The following NCOA1 variants were observed in gnomAD, a reference collection of about 807,000 sequenced individuals.
The protein encoded by NCOA1 is nuclear receptor coactivator 1.
A neutral mutation model predicts 150.9 loss-of-function variants in NCOA1; 35 were observed. The observed-to-expected ratio is 0.23, with a 90% CI of 0.18 to 0.31. The LOEUF (loss-of-function observed/expected upper bound fraction) is 0.31. Ranked by LOEUF, NCOA1 falls within the 10% of genes least tolerant of loss-of-function variation. NCOA1 has a pLI of 1.00. For missense variants in NCOA1, 1,491 were observed against 1,749.3 expected, an observed-to-expected ratio of 0.85 and a Z score of 2.63; for synonymous variants, 590 against 630.0, an observed-to-expected ratio of 0.94 and a Z score of 0.95.
chr2:24,683,967 C>T (rs928032661), intron 8 of NCOA1, among the ~76,000 whole-genome samples: 7 of 152,002 alleles, frequency 4.6e-5, no homozygotes, highest in African/African-American at 1.7e-4. Context: ...GAAATAAAAG[C>T]GATTTAAAAT....
chr2:24,494,777 C>T (rs1306700138), intron 1 of NCOA1, among the ~76,000 whole-genome samples: 2 of 152,056 alleles, frequency 1.3e-5, no homozygotes, highest in Non-Finnish European at 2.9e-5. Context: ...GCTGCAGAAC[C>T]GTATAAATTT....
chr2:24,664,162 A>C (rs1202433433), intron 5 of NCOA1, among the ~76,000 whole-genome samples: 1 of 152,210 alleles, frequency 6.6e-6, no homozygotes, highest in Non-Finnish European at 1.5e-5. Context: ...TTGGTATGTA[A>C]TTTGTCAAAA....
At chr2:24,674,163 A>G (rs1361503988) in intron 7 of NCOA1, among the ~76,000 whole-genome samples, 1 of 143,428 alleles carries the variant, frequency 7.0e-6, no homozygotes, top group African/African-American at 2.6e-5. Context: ...ATATATTTCT[A>G]TCTCTAGGTC....
In NCOA1 at chr2:24,691,367, T is replaced by C. The variant is rs75502792; in HGVS notation, c.533-114T>C. On this transcript the variant is annotated intron_variant, in intron 8 of 22. Coordinates refer to ENST00000348332, the MANE Select transcript of NCOA1 (RefSeq NM_003743.5). ...TGTTAGATCTGAAGAGGTCAGTCTG[T>C]CTTTTAATCTGAGTATCTAATTAAG... The C allele has an allele frequency of 6.1e-3, 5,553 of 906,410 alleles. 95 individuals carry two copies. The highest frequency in any genetic ancestry group is 0.051 in the East Asian group (2,112 of 41,330). The allele number at this position is 906,410 out of a possible 1,614,324, so 56.1% of individuals were successfully genotyped here.
intron 3 of NCOA1, among the ~76,000 whole-genome samples, chr2:24,585,299 TAAG>T (rs1300892962): frequency 2.0e-5 from 3 of 152,236 alleles, no homozygotes. Flanking sequence ...TTGAATATAT[TAAG>T]AATATTTGTC....
intron 1 of NCOA1, chr2:24,554,488 G>C (rs1183785084): frequency 6.6e-6 from 1 of 152,130 alleles, no homozygotes; most frequent in Admixed American, 6.5e-5. Flanking sequence ...AGGAGATACG[G>C]CAATCGTGGA....
At chr2:24,705,676 G>C (rs1456336984) in intron 12 of NCOA1, among the ~76,000 whole-genome samples, 1 of 152,194 alleles carries the variant, frequency 6.6e-6, no homozygotes, top group East Asian at 1.9e-4. Context: ...TGATTTTTGA[G>C]TGCCATTGTC....
At chr2:24,546,805 T>C (rs1665621933) in intron 1 of NCOA1, among the ~76,000 whole-genome samples, 1 of 152,234 alleles carries the variant, frequency 6.6e-6, no homozygotes, top group African/African-American at 2.4e-5. Context: ...AGTCTCAGGC[T>C]TTCTTCACAT....
At chr2:24,626,049 T>C (rs1669394215) in intron 3 of NCOA1, among the ~76,000 whole-genome samples, 1 of 152,236 alleles carries the variant, frequency 6.6e-6, no homozygotes, top group South Asian at 2.1e-4. Context: ...ATGTCTTTAT[T>C]GATTTTTGTT....
intron 1 of NCOA1, among the ~76,000 whole-genome samples, chr2:24,561,865 G>C (rs1220581130): frequency 6.6e-6 from 1 of 152,130 alleles, no homozygotes; most frequent in Admixed American, 6.6e-5. Flanking sequence ...ATAGCTCAGA[G>C]ACCAACCTTA....
At chr2:24,747,302 C>CA (rs1205748175) in intron 19 of NCOA1, among the ~76,000 whole-genome samples, 6 of 148,608 alleles carry the variant, frequency 4.0e-5, no homozygotes, top group African/African-American at 1.5e-4. Context: ...TTTTCCCGCT[C>CA]ACATATTTTT....
At chr2:24,606,365 T>C (rs572599010) in intron 3 of NCOA1, among the ~76,000 whole-genome samples, 1 of 152,176 alleles carries the variant, frequency 6.6e-6, no homozygotes, top group Admixed American at 6.5e-5. Flanking sequence ...GCCTCCCAGG[T>C]AGCTGGGATT....
intron 8 of NCOA1, among the ~76,000 whole-genome samples, chr2:24,685,545 A>G (rs983118433): frequency 3.3e-5 from 5 of 152,236 alleles, no homozygotes; most frequent in Non-Finnish European, 4.4e-5. Context: ...TACCATTTAT[A>G]TCTCAAATGA....
intron 4 of NCOA1, among the ~76,000 whole-genome samples, chr2:24,653,309 GA>G: frequency 6.6e-6 from 1 of 152,054 alleles, no homozygotes; most frequent in Non-Finnish European, 1.5e-5. Flanking sequence ...CAAAATAATA[GA>G]TCTTTACTTT....
intron 5 of NCOA1, among the ~76,000 whole-genome samples, chr2:24,665,325 G>T (rs1206482271): frequency 6.6e-6 from 1 of 152,072 alleles, no homozygotes; most frequent in Non-Finnish European, 1.5e-5. Flanking sequence ...ATTATAACTT[G>T]TGAATTCTAT....
intron 14 of NCOA1, among the ~76,000 whole-genome samples, chr2:24,722,210 G>GCA (rs369924996): frequency 3.3e-5 from 5 of 151,962 alleles, no homozygotes; most frequent in South Asian, 2.1e-4. Context: ...TTGTGTGTAT[G>GCA]CACACACACA....
chr2:24,521,895 A>C (rs1664431844), intron 1 of NCOA1, among the ~76,000 whole-genome samples: 3 of 152,160 alleles, frequency 2.0e-5, no homozygotes, highest in African/African-American at 7.2e-5. Flanking sequence ...AAAACTTGTT[A>C]TCTTTTTTCT....
intron 19 of NCOA1, among the ~76,000 whole-genome samples, chr2:24,750,274 A>C (rs926602569): frequency 6.6e-6 from 1 of 152,238 alleles, no homozygotes; most frequent in South Asian, 2.1e-4. Context: ...ATGAAAATGC[A>C]AAGGACCTAG....
In NCOA1 at chr2:24,639,908, G is replaced by C. The variant is rs2384036; in HGVS notation, c.-174-4058G>C. On this transcript the variant is annotated intron_variant, in intron 3 of 22. Coordinates refer to ENST00000348332, the MANE Select transcript of NCOA1 (RefSeq NM_003743.5). ...GTCTCAAAAAAAAAAAAAAAAGTATGTGTGTGTGTATATATATATATATAT... is the reference window on the plus strand; with the variant it reads ...GTCTCAAAAAAAAAAAAAAAAGTATCTGTGTGTGTATATATATATATATAT... 2.2e-3 allele frequency among the ~76,000 whole-genome samples: 220 copies of C among 99,724 alleles called. 35 individuals carry two copies. The highest frequency in any genetic ancestry group is 0.01 in the African/African-American group (210 of 20,048). The allele number at this position is 99,724 out of a possible 152,430, so 65.4% of individuals were successfully genotyped here.
Sources: allele counts gnomAD v4.1 joint callset (sites outside exome capture counted in the v4.1 genomes callset), GRCh38; gene constraint gnomAD v4.1.1; transcripts MANE v1.5; gene names NCBI Gene and HGNC (gene_info 2026-07-23, HGNC 2026-07-21).